Variants in CHCHD3 observed in about 807,000 individuals in gnomAD.
CHCHD3 encodes the protein MICOS complex subunit MIC19.
Under a neutral mutation model 38.2 loss-of-function variants are expected in CHCHD3, and 20 were observed. That is an observed-to-expected ratio of 0.52 (90% CI 0.37 to 0.76). CHCHD3 has a LOEUF of 0.76. CHCHD3 is among the 30% of genes least tolerant of loss of function. The probability of loss-of-function intolerance (pLI) is 0.00; values close to 1 mark genes in which losing one functional copy is unlikely to be tolerated. For synonymous variants in CHCHD3, 82 were observed against 100.0 expected (o/e 0.82, Z 1.07); for missense variants, 245 against 279.2 (o/e 0.88, Z 0.87).
chr7:132,803,261 A>G (rs1286362679), intron 6 of CHCHD3, among the ~76,000 whole-genome samples: 1 of 152,218 alleles, frequency 6.6e-6, no homozygotes, highest in Non-Finnish European at 1.5e-5. Context: ...TCCAAAGGAT[A>G]TATCAATGTG....
At chr7:132,815,310 G>A (rs895669897) in intron 6 of CHCHD3, among the ~76,000 whole-genome samples, 3 of 152,212 alleles carry the variant, frequency 2.0e-5, no homozygotes, top group Non-Finnish European at 2.9e-5. Context: ...TAAGGCCTTT[G>A]CCCAGGAGAC....
intron 4 of CHCHD3, among the ~76,000 whole-genome samples, chr7:132,965,577 C>A (rs1163282465): frequency 6.6e-6 from 1 of 152,104 alleles, no homozygotes; most frequent in Non-Finnish European, 1.5e-5. Context: ...GGGCTCAGAG[C>A]TATGGTTCCA....
chr7:133,029,635 G>A (rs1025000219), intron 2 of CHCHD3, among the ~76,000 whole-genome samples: 8 of 152,196 alleles, frequency 5.3e-5, no homozygotes, highest in South Asian at 2.1e-4. Flanking sequence ...GTGATCAAAC[G>A]GTGACCAGCT....
Position 132,838,415 on chromosome 7 carries a change from C to T in CHCHD3, c.508G>A (p.Val170Met). The stretch of plus-strand genomic sequence containing the variant: ...AAAACTTACTTGAACTTTGCTTCCA[C>T]CTCTTCAGCAGCTTTCTGATATTGT... ...TEQYQKAAEE[V>M]EAKFKRYESH... Residue 170 changes from valine (V) to methionine (M), a missense_variant, in exon 6 of 8, where the codon GTG becomes ATG. By Grantham distance (21) the Val-to-Met change is conservative. Transcript: ENST00000262570. 2 of 1,611,440 alleles carry T rather than the reference C, an allele frequency of 1.2e-6. No homozygotes were observed. Among genetic ancestry groups the T allele is most frequent in the South Asian group, 1.1e-5 (1 of 90,882 alleles).
At chr7:132,981,885 C>T (rs1047456855) in intron 3 of CHCHD3, among the ~76,000 whole-genome samples, 14 of 152,072 alleles carry the variant, frequency 9.2e-5, no homozygotes, top group African/African-American at 3.4e-4. Flanking sequence ...TATACATAGG[C>T]AATATATACA....
At chr7:133,018,678 A>G (rs1813091702) in intron 3 of CHCHD3, among the ~76,000 whole-genome samples, 1 of 152,174 alleles carries the variant, frequency 6.6e-6, no homozygotes, top group South Asian at 2.1e-4. Context: ...TCTGGTCAGT[A>G]GCCAATTTCA....
chr7:132,902,428 T>C (rs1048099445), intron 4 of CHCHD3, among the ~76,000 whole-genome samples: 1 of 152,108 alleles, frequency 6.6e-6, no homozygotes, highest in Non-Finnish European at 1.5e-5. Context: ...CAAATGTCCA[T>C]CAATGATAGA....
chr7:132,843,811 AT>A (rs145812197), intron 5 of CHCHD3, among the ~76,000 whole-genome samples: 2,712 of 152,320 alleles, frequency 0.018, 80 homozygotes, highest in African/African-American at 0.062. Context: ...GTAGTAGGAT[AT>A]ATATCAATTT....
At chr7:132,894,588 A>C (rs1366123629) in intron 4 of CHCHD3, among the ~76,000 whole-genome samples, 1 of 152,192 alleles carries the variant, frequency 6.6e-6, no homozygotes, top group Non-Finnish European at 1.5e-5. Context: ...CCTTAACTGT[A>C]AACTCTCTGA....
intron 4 of CHCHD3, among the ~76,000 whole-genome samples, chr7:132,969,884 A>G (rs755660429): frequency 2.0e-5 from 3 of 152,174 alleles, no homozygotes; most frequent in Non-Finnish European, 4.4e-5. Context: ...AGAGAAACTT[A>G]AAAACTGAGG....
intron 2 of CHCHD3, among the ~76,000 whole-genome samples, chr7:133,063,883 G>A (rs1386522764): frequency 6.6e-6 from 1 of 151,982 alleles, no homozygotes; most frequent in African/African-American, 2.4e-5. Context: ...AATTAATCTG[G>A]TCTGTGTGCT....
At chr7:132,999,004 T>C (rs1812496053) in intron 3 of CHCHD3, among the ~76,000 whole-genome samples, 1 of 152,124 alleles carries the variant, frequency 6.6e-6, no homozygotes, top group Non-Finnish European at 1.5e-5. Context: ...ATGTTAGGAA[T>C]GTTAGCATTT....
chr7:133,010,963 G>A (rs188261230), intron 3 of CHCHD3, among the ~76,000 whole-genome samples: 19 of 152,324 alleles, frequency 1.2e-4, no homozygotes, highest in African/African-American at 3.8e-4. Flanking sequence ...CAGCTAGGAT[G>A]AGAGAACAGG....
intron 6 of CHCHD3, among the ~76,000 whole-genome samples, chr7:132,812,525 G>T (rs1807099522): frequency 6.6e-6 from 1 of 152,032 alleles, no homozygotes; most frequent in Admixed American, 6.6e-5. Context: ...GGACCACTTT[G>T]TATTTCCATT....
intron 7 of CHCHD3, among the ~76,000 whole-genome samples, chr7:132,795,432 G>A (rs533922869): frequency 1.3e-5 from 2 of 152,258 alleles, no homozygotes; most frequent in African/African-American, 2.4e-5. Flanking sequence ...ACAGAAAAAA[G>A]CTGCCAGCCA....
intron 2 of CHCHD3, among the ~76,000 whole-genome samples, chr7:133,046,570 TG>T (rs869141368): frequency 3.2e-4 from 27 of 84,150 alleles, no homozygotes; most frequent in Non-Finnish European, 4.6e-4. Context: ...TGTATTTTTT[TG>T]GGGGGGGGAG....
chr7:132,822,431 T>TA (rs917104026), intron 6 of CHCHD3, among the ~76,000 whole-genome samples: 44 of 148,834 alleles, frequency 3.0e-4, no homozygotes, highest in Admixed American at 5.4e-4. Context: ...TTTTTTAATT[T>TA]AAAAAAAAAA....
At chr7:133,066,445 G>C (rs1456872014) in intron 2 of CHCHD3, among the ~76,000 whole-genome samples, 1 of 151,996 alleles carries the variant, frequency 6.6e-6, no homozygotes, top group African/African-American at 2.4e-5. Context: ...AGTAGAGATA[G>C]GGATTCACCA....
chr7:133,073,719 G>A (rs933176977), intron 1 of CHCHD3, among the ~76,000 whole-genome samples: 3 of 151,848 alleles, frequency 2.0e-5, no homozygotes, highest in South Asian at 2.1e-4. Flanking sequence ...TGTACCATCC[G>A]CTTAAAATGC....
Sources: allele counts gnomAD v4.1 joint callset (sites outside exome capture counted in the v4.1 genomes callset), GRCh38; gene constraint gnomAD v4.1.1; transcripts MANE v1.5; gene names NCBI Gene and HGNC (gene_info 2026-07-23, HGNC 2026-07-21).